The following MGMT variants were observed in gnomAD, a reference collection of about 807,000 sequenced individuals.
The protein encoded by MGMT is methylated-DNA--protein-cysteine methyltransferase.
Under a neutral mutation model 15.9 loss-of-function variants are expected in MGMT, and 14 were observed. The ratio of observed to expected loss-of-function variants is 0.88; its 90% CI spans 0.58 to 1.37. MGMT has a LOEUF of 1.37. Among genes scored for constraint, MGMT ranks in the 40% most tolerant of loss-of-function variants. The probability of loss-of-function intolerance (pLI) is 0.00; values close to 1 mark genes in which losing one functional copy is unlikely to be tolerated. For synonymous variants in MGMT, 130 were observed against 118.2 expected (o/e 1.10, Z -0.65); for missense variants, 282 against 268.1 (o/e 1.05, Z -0.36).
chr10:129,742,933 C>T (rs1589971452), intron 3 of MGMT, among the ~76,000 whole-genome samples: 3 of 152,374 alleles, frequency 2.0e-5, no homozygotes, highest in Middle Eastern at 6.8e-3. Flanking sequence ...TGCCCATGCT[C>T]AGAGCCAGGT....
At chr10:129,567,523 G>T (rs1477200367) in intron 2 of MGMT, among the ~76,000 whole-genome samples, 1 of 152,142 alleles carries the variant, frequency 6.6e-6, no homozygotes, top group Admixed American at 6.5e-5. Flanking sequence ...GGGGTTCAGG[G>T]TGCCCCAACA....
intron 2 of MGMT, among the ~76,000 whole-genome samples, chr10:129,573,904 T>G (rs999844028): frequency 6.6e-6 from 1 of 152,258 alleles, no homozygotes; most frequent in Non-Finnish European, 1.5e-5. Context: ...TAAGTGACTT[T>G]GTGAGAATTG....
chr10:129,569,360 G>A (rs981230400), intron 2 of MGMT, among the ~76,000 whole-genome samples: 9 of 152,196 alleles, frequency 5.9e-5, no homozygotes, highest in Admixed American at 2.0e-4. Context: ...GCTAGCCTGC[G>A]AGTGGCTCAG....
intron 2 of MGMT, among the ~76,000 whole-genome samples, chr10:129,596,199 A>G (rs1846749737): frequency 6.6e-6 from 1 of 152,126 alleles, no homozygotes; most frequent in African/African-American, 2.4e-5. Flanking sequence ...CTATCTGTAT[A>G]ATGTCATGGA....
At chr10:129,476,759 C>T (rs1175866611) in intron 1 of MGMT, among the ~76,000 whole-genome samples, 1 of 152,088 alleles carries the variant, frequency 6.6e-6, no homozygotes, top group Non-Finnish European at 1.5e-5. Flanking sequence ...CTACAAGGGG[C>T]CGGGGACCCT....
At chr10:129,702,417 G>A (rs1455255589) in intron 2 of MGMT, among the ~76,000 whole-genome samples, 1 of 152,210 alleles carries the variant, frequency 6.6e-6, no homozygotes. Context: ...CATGATATTT[G>A]CCTCGGGATT....
At chr10:129,472,486 C>G (rs549306130) in intron 1 of MGMT, among the ~76,000 whole-genome samples, 17 of 152,218 alleles carry the variant, frequency 1.1e-4, no homozygotes, top group Non-Finnish European at 4.4e-5. Flanking sequence ...TCCCCCCAGT[C>G]CAATCCGAAT....
At chr10:129,739,692 C>G (rs117567494) in intron 3 of MGMT, among the ~76,000 whole-genome samples, 1,785 of 152,332 alleles carry the variant, frequency 0.012, 27 homozygotes, top group South Asian at 0.051. Flanking sequence ...AATCCTCAGC[C>G]TGCGAGCCAC....
At chr10:129,737,106 G>A (rs575065523) in intron 3 of MGMT, among the ~76,000 whole-genome samples, 1 of 152,142 alleles carries the variant, frequency 6.6e-6, no homozygotes, top group East Asian at 1.9e-4. Context: ...ATGTTGGCCT[G>A]CCTTGCTAGA....
intron 1 of MGMT, among the ~76,000 whole-genome samples, chr10:129,475,342 T>G (rs774699147): frequency 2.0e-5 from 3 of 152,048 alleles, no homozygotes; most frequent in Admixed American, 6.5e-5. Context: ...TGTGTGTGTC[T>G]GGGTGATGGG....
At chr10:129,761,040 C>T (rs572290726) in intron 4 of MGMT, among the ~76,000 whole-genome samples, 1 of 152,274 alleles carries the variant, frequency 6.6e-6, no homozygotes, top group South Asian at 2.1e-4. Flanking sequence ...TAAAACTTAA[C>T]CTACATGCCC....
chr10:129,633,955 T>C (rs1847238622), intron 2 of MGMT, among the ~76,000 whole-genome samples: 1 of 152,184 alleles, frequency 6.6e-6, no homozygotes, highest in Non-Finnish European at 1.5e-5. Context: ...TGCTCTTCAT[T>C]CTGTTTAGAT....
intron 2 of MGMT, among the ~76,000 whole-genome samples, chr10:129,657,830 T>A (rs1303253449): frequency 6.6e-6 from 1 of 152,046 alleles, no homozygotes; most frequent in Non-Finnish European, 1.5e-5. Context: ...AGGCCCCCGT[T>A]GTCATGGAGA....
intron 2 of MGMT, among the ~76,000 whole-genome samples, chr10:129,702,740 C>T (rs374457121): frequency 4.6e-5 from 7 of 152,322 alleles, no homozygotes; most frequent in African/African-American, 1.4e-4. Context: ...GGTGCTCCCC[C>T]GGCAAGGATG....
chr10:129,580,349 G>A (rs1846537667), intron 2 of MGMT, among the ~76,000 whole-genome samples: 1 of 152,172 alleles, frequency 6.6e-6, no homozygotes, highest in Admixed American at 6.5e-5. Context: ...AAAACCTTGA[G>A]GGATAGGCAT....
At chr10:129,558,902 C>T (rs965271007) in intron 2 of MGMT, among the ~76,000 whole-genome samples, 1 of 152,098 alleles carries the variant, frequency 6.6e-6, no homozygotes, top group Non-Finnish European at 1.5e-5. Flanking sequence ...AAGCTGCATC[C>T]CCGACGCCGG....
intron 2 of MGMT, among the ~76,000 whole-genome samples, chr10:129,608,391 G>C (rs1329811736): frequency 6.6e-6 from 1 of 152,224 alleles, no homozygotes; most frequent in Non-Finnish European, 1.5e-5. Context: ...GGTGGGGCCA[G>C]ATTTCTCATT....
chr10:129,582,804 G>A (rs542750769), intron 2 of MGMT, among the ~76,000 whole-genome samples: 12 of 152,264 alleles, frequency 7.9e-5, no homozygotes, highest in Admixed American at 1.3e-4. Context: ...CCCTGTGCCC[G>A]CCATGACCAT....
intron 1 of MGMT, among the ~76,000 whole-genome samples, chr10:129,504,910 G>T (rs1845609486): frequency 1.3e-5 from 2 of 150,560 alleles, no homozygotes; most frequent in South Asian, 4.2e-4. Context: ...TCTAGCCTAG[G>T]TTTGTGTGAA....
Sources: gnomAD v4.1 joint callset for allele counts (sites outside exome capture counted in the v4.1 genomes callset) on GRCh38, gnomAD v4.1.1 for gene constraint, MANE v1.5 for transcripts, NCBI Gene and HGNC (gene_info 2026-07-23, HGNC 2026-07-21) for gene names.